Variants in WIZ observed in about 807,000 individuals in gnomAD.
WIZ encodes protein Wiz.
WIZ carries 25 observed loss-of-function variants against 140.2 expected under a neutral mutation model. The observed-to-expected ratio is 0.18, with a 90% CI of 0.13 to 0.25. WIZ has a LOEUF of 0.25. WIZ is among the 10% of genes least tolerant of loss of function. The pLI, the probability that WIZ is intolerant of heterozygous loss-of-function variation, is 1.00. For synonymous variants in WIZ, 1,125 were observed against 1,154.3 expected, an observed-to-expected ratio of 0.97 and a Z score of 0.51; for missense variants, 2,231 against 2,632.6, an observed-to-expected ratio of 0.85 and a Z score of 3.34.
rs767548378 is a variant in WIZ at position 15,423,095 on chromosome 19, G to A, written c.5651C>T (p.Ala1884Val). The change falls in exon 13 of 13, where the codon GCG becomes GTG. Residue 1884 changes from alanine (A) to valine (V), a missense_variant. Ala to Val is a moderately conservative substitution (Grantham distance 64). Coordinates refer to ENST00000673675, the MANE Select transcript of WIZ (RefSeq NM_001371589.1). ...EESQAPQAQT[A>V]AAEAP Reference sequence around the variant, plus strand: ...TTTGTGTTAGGGAGCCTCTGCCGCCGCTGTCTGTGCCTGCGGGGCCTGGGA... The same window carrying A: ...TTTGTGTTAGGGAGCCTCTGCCGCCACTGTCTGTGCCTGCGGGGCCTGGGA... 1.9e-5 allele frequency: 30 copies of A among 1,611,630 alleles called. No homozygotes were observed. Among genetic ancestry groups the A allele is most frequent in the Middle Eastern group, 4.2e-4 (2 of 4,720 alleles).
rs886786384 is a variant in WIZ at position 15,428,071 on chromosome 19, G to T, written c.3814+39C>A. ...CCCCCCCCCCGGGAGGGGCTCCAGG[G>T]CCCGCAGTGAGGAGGGGGCAGCTGA... On this transcript the variant is annotated intron_variant, in intron 8 of 12. Coordinates refer to ENST00000673675, the MANE Select transcript of WIZ (RefSeq NM_001371589.1). This position sits in a 1 kb window ranked among gnomAD's most constrained non-coding sequence, Gnocchi z 6.4. 4 of 1,528,564 alleles carry T rather than the reference G, an allele frequency of 2.6e-6. No homozygotes were observed. Among genetic ancestry groups the T allele is most frequent in the Non-Finnish European group, 3.5e-6 (4 of 1,144,286 alleles). 94.7% of individuals were successfully genotyped at this position (1,528,564 alleles called of 1,614,324 possible).
chr19:15,429,173 G>A (rs1969056960), intron 7 of WIZ, among the ~76,000 whole-genome samples: 2 of 152,108 alleles, frequency 1.3e-5, no homozygotes, highest in Admixed American at 6.5e-5. Flanking sequence ...AGGACCAATC[G>A]TGGGCACCTC....
Position 15,424,503 on chromosome 19 carries a change from TA to T in WIZ, c.5314+109del. On this transcript the variant is annotated intron_variant, in intron 11 of 12. Transcript: ENST00000673675. The surrounding 1 kb of genome is among the most constrained non-coding windows in gnomAD (Gnocchi z 9.7). ...GATGGGGGATGGATGGGTGAATGGG[TA>T]AGCAACTGGAGAAAGGACTTAAGGG... 1 of 1,529,094 alleles carries T rather than the reference TA, an allele frequency of 6.5e-7. No individual in the cohort carries two copies. The highest frequency in any genetic ancestry group is 8.8e-7 in the Non-Finnish European group (1 of 1,137,442). 94.7% of individuals were successfully genotyped at this position (1,529,094 alleles called of 1,614,324 possible).
intron 3 of WIZ, among the ~76,000 whole-genome samples, chr19:15,441,161 G>A (rs945434172): frequency 9.8e-5 from 15 of 152,296 alleles, no homozygotes; most frequent in Non-Finnish European, 1.6e-4. Context: ...CAGATTTGGC[G>A]ATTAACTTTG....
At chr19:15,437,999 ACACACACACACACG>A (rs1969579129) in intron 4 of WIZ, among the ~76,000 whole-genome samples, 1 of 151,958 alleles carries the variant, frequency 6.6e-6, no homozygotes, top group Admixed American at 6.6e-5. Context: ...GCGTAGACAC[ACACACACACACACG>A]CACACACACA....
Position 15,432,093 on chromosome 19 carries a change from C to G in WIZ, c.2741-911G>C, listed in dbSNP as rs115696293. 3.6e-3 allele frequency among the ~76,000 whole-genome samples: 545 copies of G among 152,158 alleles called. 5 individuals are homozygous for G. The highest frequency in any genetic ancestry group is 0.013 in the African/African-American group (523 of 41,518). On this transcript the variant is annotated intron_variant, in intron 5 of 12. Transcript: ENST00000673675. ...AGGACTGGGGCACCGAGGACTTTGT[C>G]AAAGTCTCCGGGTCGGGTGGGCGCG... is the stretch of plus-strand genomic sequence containing the variant.
intron 5 of WIZ, among the ~76,000 whole-genome samples, chr19:15,434,287 C>T (rs1157012701): frequency 7.2e-6 from 1 of 138,876 alleles, no homozygotes; most frequent in Non-Finnish European, 1.5e-5. Context: ...AAGGGCCAGG[C>T]GTGGTGGCTT....
Position 15,438,951 on chromosome 19 carries a change from C to T in WIZ, c.2043G>A (p.Met681Ile). 5 of 1,450,696 alleles carry T rather than the reference C, an allele frequency of 3.4e-6. No individual in the cohort carries two copies. Among genetic ancestry groups the T allele is most frequent in the Non-Finnish European group, 4.5e-6 (5 of 1,104,132 alleles). 89.9% of individuals were successfully genotyped at this position (1,450,696 alleles called of 1,614,324 possible). ...TQGQQQQLRG[M>I]VPIVLVAKLG... Reference sequence around the variant, plus strand: ...GCTTCGCCACGAGCACAATGGGTACCATCCCTCGGAGCTGCTGCTGCTGCC... The same window carrying T: ...GCTTCGCCACGAGCACAATGGGTACTATCCCTCGGAGCTGCTGCTGCTGCC... The change falls in exon 4 of 13, where the codon ATG (methionine) becomes ATA (isoleucine). Residue 681 changes from methionine (M) to isoleucine (I), a missense_variant. This residue lies in a region of WIZ where 475 missense variants were observed against 520.2 expected (regional missense o/e 0.91). Coordinates refer to ENST00000673675, the MANE Select transcript of WIZ (RefSeq NM_001371589.1).
chr19:15,427,275 C>G lies in WIZ; in HGVS notation c.4073G>C (p.Gly1358Ala), dbSNP rs763358214. 6.2e-7 allele frequency: 1 copy of G among 1,613,724 alleles called. No individual in the cohort carries two copies. Among genetic ancestry groups the G allele is most frequent in the Non-Finnish European group, 8.5e-7 (1 of 1,180,002 alleles). ...LAKMMGGAGP[G>A]SSLEARSPSD... ...GGGGCTGCGGGCTTCCAGTGAGCTGCCAGGACCTGCGCCGCCCATCATCTT... is the reference window on the plus strand; with the variant it reads ...GGGGCTGCGGGCTTCCAGTGAGCTGGCAGGACCTGCGCCGCCCATCATCTT... Residue 1358 changes from glycine to alanine, a missense_variant, in exon 9 of 13, where the codon GGC (glycine) becomes GCC (alanine). Physicochemically the swap from Gly to Ala is moderately conservative, Grantham distance 60 (BLOSUM62 0). This residue lies in a region of WIZ where 393 missense variants were observed against 451.7 expected (regional missense o/e 0.87). Coordinates refer to ENST00000673675, the MANE Select transcript of WIZ (RefSeq NM_001371589.1). This position sits in a 1 kb window ranked among gnomAD's most constrained non-coding sequence, Gnocchi z 6.4.
At chr19:15,426,214 G>C (rs1302832327) in intron 9 of WIZ, among the ~76,000 whole-genome samples, 1 of 152,012 alleles carries the variant, frequency 6.6e-6, no homozygotes, top group African/African-American at 2.4e-5. Flanking sequence ...CTTTGGGACG[G>C]TCTAAAATGG....
In WIZ at chr19:15,427,212, G is replaced by A. The variant is rs760009177; in HGVS notation, c.4136C>T (p.Pro1379Leu). 1.0e-4 allele frequency: 162 copies of A among 1,614,040 alleles called. No individual in the cohort carries two copies. The highest frequency in any genetic ancestry group is 1.3e-4 in the Non-Finnish European group (149 of 1,180,040). ...GCCCAGGGGGCTGCCCGGTGGTGGT[G>A]GCAACTTCTTGGCCAAGGGTGAGAT... The part of the protein sequence containing the change: ...LHISPLAKKL[P>L]PPPGSPLGHS... The change falls in exon 9 of 13, where the codon CCA becomes CTA. Residue 1379 changes from proline (P) to leucine (L), a missense_variant. Pro to Leu is a moderately conservative substitution (Grantham distance 98, BLOSUM62 -3). Around this residue, in one of 15 missense-constraint regions of WIZ, gnomAD observed 393 missense variants for 451.7 expected, o/e 0.87. Transcript: ENST00000673675. The surrounding 1 kb of genome is among the most constrained non-coding windows in gnomAD (Gnocchi z 6.4).
chr19:15,423,373 C>G (rs1794729458), intron 12 of WIZ, 138 bp from the exon 13 acceptor site: 9 of 1,102,420 alleles, frequency 8.2e-6, no homozygotes, highest in Non-Finnish European at 1.1e-5. Flanking sequence ...AAGAGGGACC[C>G]AGAAGTCAGG....
rs1221310492 is a variant in WIZ at position 15,439,484 on chromosome 19, C to T, written c.1510G>A (p.Ala504Thr). 1 of 1,535,042 alleles carries T rather than the reference C, an allele frequency of 6.5e-7. No individual in the cohort carries two copies. The highest frequency in any genetic ancestry group is 1.4e-5 in the African/African-American group (1 of 73,156). The change falls in exon 4 of 13, where the codon GCC becomes ACC. Residue 504 changes from alanine to threonine, a missense_variant. Around this residue, in one of 15 missense-constraint regions of WIZ, gnomAD observed 475 missense variants for 520.2 expected, o/e 0.91. Coordinates refer to ENST00000673675, the MANE Select transcript of WIZ (RefSeq NM_001371589.1). This position sits in a 1 kb window ranked among gnomAD's most constrained non-coding sequence, Gnocchi z 7.0. ...TCCTGGCTAGTGCCTGGCTGGCTGG[C>T]AGGGTCTTCCTCATAAGCCTCGCCA... ...EDGEAYEEDP[A>T]SQPGTSQDAH...
In WIZ at chr19:15,439,266, G is replaced by T. The variant is rs1022028799; in HGVS notation, c.1728C>A (p.Leu576=). Residue 576 remains leucine, a synonymous_variant, in exon 4 of 13, where the codon CTC becomes CTA. Coordinates refer to ENST00000673675, the MANE Select transcript of WIZ (RefSeq NM_001371589.1). This position sits in a 1 kb window ranked among gnomAD's most constrained non-coding sequence, Gnocchi z 7.0. ...PLLHGTGQRP[L]GRLAFPSTLA... Reference sequence around the variant, plus strand: ...GTGTGGAGGGAAAGGCCAGCCTTCCGAGAGGCCTCTGGCCCGTGCCATGCA... The same window carrying T: ...GTGTGGAGGGAAAGGCCAGCCTTCCTAGAGGCCTCTGGCCCGTGCCATGCA... 9 of 1,535,010 alleles carry T rather than the reference G, an allele frequency of 5.9e-6. No homozygotes were observed. Among genetic ancestry groups the T allele is most frequent in the Non-Finnish European group, 7.9e-6 (9 of 1,146,268 alleles).
At position 15,440,514 on chromosome 19, in the gene WIZ, G is replaced by A; in HGVS notation, c.480C>T (p.Gly160=). The A allele has an allele frequency of 3.3e-6, 5 of 1,536,112 alleles. No individual in the cohort carries two copies. Among genetic ancestry groups the A allele is most frequent in the Non-Finnish European group, 4.4e-6 (5 of 1,146,882 alleles). ...RTMKPHAELE[G]SRRFLHHRGE... ...CCCGGTGGTGTAAGAACCTTCTAGAGCCCTCTAGCTCAGCGTGGGGTTTCA... is the reference window on the plus strand; with the variant it reads ...CCCGGTGGTGTAAGAACCTTCTAGAACCCTCTAGCTCAGCGTGGGGTTTCA... Residue 160 remains glycine (G), a synonymous_variant, in exon 4 of 13, where the codon GGC becomes GGT. Transcript: ENST00000673675. This position sits in a 1 kb window ranked among gnomAD's most constrained non-coding sequence, Gnocchi z 6.2.
Position 15,425,486 on chromosome 19 carries a change from G to C in WIZ, c.4649C>G (p.Pro1550Arg). 1 of 1,607,468 alleles carries C rather than the reference G, an allele frequency of 6.2e-7. No individual in the cohort carries two copies. Among genetic ancestry groups the C allele is most frequent in the Non-Finnish European group, 8.5e-7 (1 of 1,177,306 alleles). ...TGGCCGGCCAGCCAGGGGCGACAGC[G>C]GCAGTGGGGACTGCACGGGCCCAGG... ...VAPGPVQSPL[P>R]LSPLAGRPGK... Residue 1550 changes from proline to arginine, a missense_variant, in exon 10 of 13, where the codon CCG becomes CGG. Around this residue, in one of 15 missense-constraint regions of WIZ, gnomAD observed 393 missense variants for 451.7 expected, o/e 0.87. Coordinates refer to ENST00000673675, the MANE Select transcript of WIZ (RefSeq NM_001371589.1).
rs1969701706 is a variant in WIZ, at chr19:15,440,519, C to G, written c.475G>C (p.Glu159Gln). 3.3e-6 allele frequency: 5 copies of G among 1,536,040 alleles called. No individual in the cohort carries two copies. The African/African-American group carries it at 4.1e-5, about 13-fold the overall frequency. ...TGGTGTAAGAACCTTCTAGAGCCCTCTAGCTCAGCGTGGGGTTTCATGGTT... is the reference window on the plus strand; with the variant it reads ...TGGTGTAAGAACCTTCTAGAGCCCTGTAGCTCAGCGTGGGGTTTCATGGTT... The part of the protein sequence containing the change: ...VRTMKPHAEL[E>Q]GSRRFLHHRG... The change falls in exon 4 of 13, where the codon GAG becomes CAG. Residue 159 changes from glutamate (E) to glutamine (Q), a missense_variant. By Grantham distance (29) the Glu-to-Gln change is conservative. Transcript: ENST00000673675. This position sits in a 1 kb window ranked among gnomAD's most constrained non-coding sequence, Gnocchi z 6.2.
Position 15,440,576 on chromosome 19 carries a change from C to G in WIZ, c.418G>C (p.Glu140Gln). ...VQEAGEGILS[E>Q]RRFEDSVIVR... ...ATGACTGAGTCCTCGAATCTCCGCTCAGATAGGATGCCCTCCCCAGCCTCC... is the reference window on the plus strand; with the variant it reads ...ATGACTGAGTCCTCGAATCTCCGCTGAGATAGGATGCCCTCCCCAGCCTCC... The change falls in exon 4 of 13, where the codon GAG becomes CAG. Residue 140 changes from glutamate (E) to glutamine (Q), a missense_variant. Coordinates refer to ENST00000673675, the MANE Select transcript of WIZ (RefSeq NM_001371589.1). This position sits in a 1 kb window ranked among gnomAD's most constrained non-coding sequence, Gnocchi z 6.2. The G allele has an allele frequency of 6.5e-7, 1 of 1,536,200 alleles. No individual in the cohort carries two copies. Among genetic ancestry groups the G allele is most frequent in the Non-Finnish European group, 8.7e-7 (1 of 1,146,898 alleles).
intron 4 of WIZ, among the ~76,000 whole-genome samples, chr19:15,437,478 C>T (rs1234914153): frequency 6.6e-6 from 1 of 152,198 alleles, no homozygotes; most frequent in African/African-American, 2.4e-5. Flanking sequence ...GTCTGGGCAA[C>T]ATAGTGAGAC....
Sources: gnomAD v4.1 joint callset for allele counts (sites outside exome capture counted in the v4.1 genomes callset) on GRCh38, gnomAD v4.1.1 for gene constraint, gnomAD v4.1.1 regional missense constraint, Gnocchi (gnomAD v3.1) non-coding constraint, MANE v1.5 for transcripts, NCBI Gene and HGNC (gene_info 2026-07-23, HGNC 2026-07-21) for gene names.